MRNIP: variants seen among roughly 807,000 people sequenced by gnomAD.
MRNIP encodes the protein MRN complex-interacting protein.
Under a neutral mutation model 29.8 loss-of-function variants are expected in MRNIP, and 30 were observed. That is an observed-to-expected ratio of 1.01 (90% CI 0.75 to 1.36). MRNIP has a LOEUF of 1.36. Ranked by LOEUF, MRNIP falls within the 40% of genes most tolerant of loss-of-function variation. The pLI, the probability that MRNIP is intolerant of heterozygous loss-of-function variation, is 0.00. For synonymous variants in MRNIP, 201 were observed against 164.1 expected, an observed-to-expected ratio of 1.23 and a Z score of -1.72; for missense variants, 459 against 423.5, an observed-to-expected ratio of 1.08 and a Z score of -0.74.
chr5:179,855,792 A>G (rs575012800), intron 1 of MRNIP, among the ~76,000 whole-genome samples: 90 of 152,282 alleles, frequency 5.9e-4, no homozygotes, highest in African/African-American at 2.1e-3. Flanking sequence ...GACAATGAGC[A>G]CCTACCAAAA....
rs751892071 is a variant in MRNIP, at chr5:179,837,853, T to G, written c.570A>C (p.Gln190His). The G allele has an allele frequency of 6.2e-7, 1 of 1,609,676 alleles. No individual in the cohort carries two copies. The highest frequency in any genetic ancestry group is 8.5e-7 in the Non-Finnish European group (1 of 1,179,864). Residue 190 changes from glutamine (Q) to histidine (H), a missense_variant, in exon 7 of 7, where the codon CAA (glutamine) becomes CAC (histidine). Transcript: ENST00000292586. ...GQAGLTWKVKQGSSPCLQENS... is the reference protein window; with the variant it reads ...GQAGLTWKVKHGSSPCLQENS... ...TCTCCTGGAGGCAGGGGCTGCTGCC[T>G]TGTTTCACCTTCCATGTCAGGCCAG...
intron 2 of MRNIP, among the ~76,000 whole-genome samples, chr5:179,848,315 G>A (rs1345414830): frequency 1.3e-5 from 2 of 152,060 alleles, no homozygotes; most frequent in Non-Finnish European, 2.9e-5. Context: ...ACCTACTGAA[G>A]CCAAACTCAA....
At chr5:179,843,043 A>AAG (rs200857736) in intron 4 of MRNIP, among the ~76,000 whole-genome samples, 3,327 of 97,070 alleles carry the variant, frequency 0.034, 78 homozygotes, top group African/African-American at 0.087. Context: ...AGGAGGAAAG[A>AAG]AGGAAGGAAG....
At position 179,837,458 on chromosome 5, in the gene MRNIP, T is replaced by C; in HGVS notation, c.965A>G (p.Gln322Arg). ...ACATAGTCGTGTGGGTCGAGGATTC[T>C]GTGCCTCCAGGACCAGGGGCCCACC... Reference protein sequence around the residue: ...AEGGPLVLEAQNPRPTRLCDL... With the variant: ...AEGGPLVLEARNPRPTRLCDL... The change falls in exon 7 of 7, where the codon CAG (glutamine) becomes CGG (arginine). Residue 322 changes from glutamine (Q) to arginine (R), a missense_variant. Transcript: ENST00000292586. The C allele has an allele frequency of 6.2e-7, 1 of 1,612,858 alleles. No individual in the cohort carries two copies. The highest frequency in any genetic ancestry group is 8.5e-7 in the Non-Finnish European group (1 of 1,179,212).
At chr5:179,845,122 T>G (rs1456848491) in intron 3 of MRNIP, among the ~76,000 whole-genome samples, 1 of 152,184 alleles carries the variant, frequency 6.6e-6, no homozygotes, top group African/African-American at 2.4e-5. Flanking sequence ...TGTGAATAAT[T>G]TTCTAGATTT....
At chr5:179,854,534 C>T (rs1561623629) in intron 1 of MRNIP, among the ~76,000 whole-genome samples, 1 of 152,124 alleles carries the variant, frequency 6.6e-6, no homozygotes, top group Non-Finnish European at 1.5e-5. Flanking sequence ...CCTGTAGTCT[C>T]AGCGACGAGG....
chr5:179,848,052 G>A lies in MRNIP; in HGVS notation c.141C>T (p.Gly47=), dbSNP rs146041878. The A allele has an allele frequency of 2.0e-5, 33 of 1,613,864 alleles. No individual in the cohort carries two copies. The African/African-American group carries it at 3.6e-4, about 18-fold the overall frequency. Residue 47 remains glycine, a synonymous_variant, in exon 3 of 7, where the codon GGC becomes GGT. Transcript: ENST00000292586. ...CATGGCGTCTACAATCAGCACCAGA[G>A]CCTTCACCATAAGCCTGAGAAACCA... ...KQSFLQAYGE[G]SGADCRRHVQ...
chr5:179,843,765 A>G (rs1759011691), intron 4 of MRNIP, among the ~76,000 whole-genome samples: 1 of 151,928 alleles, frequency 6.6e-6, no homozygotes, highest in Non-Finnish European at 1.5e-5. Context: ...AACAAAACAA[A>G]ACAACAGCTT....
chr5:179,858,544 A>G (rs1759700465), intron 1 of MRNIP, among the ~76,000 whole-genome samples, 187 bp downstream of exon 1: 1 of 152,254 alleles, frequency 6.6e-6, no homozygotes, highest in African/African-American at 2.4e-5. Flanking sequence ...TGGTTTGTAC[A>G]AGAACCAAAC....
In MRNIP at chr5:179,837,883, T is replaced by TC. The variant is rs1561612685; in HGVS notation, c.539dup (p.Gln181ThrfsTer48). On this transcript the variant is annotated frameshift_variant and splice_region_variant, in exon 7 of 7. Coordinates refer to ENST00000292586, the MANE Select transcript of MRNIP (RefSeq NM_016175.4). LOFTEE classifies it low-confidence loss of function (END_TRUNC). Reference sequence around the variant, plus strand: ...TCACCTTCCATGTCAGGCCAGCCTGTCCCTGAAAGAGAAGATGGCCATGCC... The same window carrying TC: ...TCACCTTCCATGTCAGGCCAGCCTGTCCCCTGAAAGAGAAGATGGCCATGCC... 6.2e-7 allele frequency: 1 copy of TC among 1,602,632 alleles called. No homozygotes were observed. Among genetic ancestry groups the TC allele is most frequent in the Non-Finnish European group, 8.5e-7 (1 of 1,178,286 alleles).
chr5:179,840,546 C>G (rs1561614665), intron 6 of MRNIP: 2 of 474,108 alleles, frequency 4.2e-6, no homozygotes, highest in East Asian at 7.1e-5. Context: ...CCTGCCCGGA[C>G]AAAGGTCCCC....
At chr5:179,858,373 G>A (rs923583077) in intron 1 of MRNIP, among the ~76,000 whole-genome samples, 6 of 152,196 alleles carry the variant, frequency 3.9e-5, no homozygotes, top group Non-Finnish European at 7.3e-5. Context: ...GGACGCCGCC[G>A]CGGCGCGCTC....
At chr5:179,850,241 A>G (rs1315889752) in intron 2 of MRNIP, among the ~76,000 whole-genome samples, 3 of 152,204 alleles carry the variant, frequency 2.0e-5, no homozygotes, top group Admixed American at 2.0e-4. Context: ...GCACAGGCAG[A>G]TGGTACGAGA....
At chr5:179,848,508 C>G (rs1325398320) in intron 2 of MRNIP, among the ~76,000 whole-genome samples, 2 of 152,122 alleles carry the variant, frequency 1.3e-5, no homozygotes, top group Non-Finnish European at 2.9e-5. Context: ...ACAAATTCAT[C>G]CAACAAATAT....
chr5:179,854,593 A>G (rs1007606173), intron 1 of MRNIP, among the ~76,000 whole-genome samples: 1 of 151,138 alleles, frequency 6.6e-6, no homozygotes, highest in Non-Finnish European at 1.5e-5. Flanking sequence ...CCCGGGTAGC[A>G]TGGCAAGAGG....
At chr5:179,851,319 G>C in intron 2 of MRNIP, 1 of 456,082 alleles carries the variant, frequency 2.2e-6, no homozygotes, top group South Asian at 1.5e-5. Context: ...GTCAGCCTGG[G>C]CCAACCAGGT....
intron 3 of MRNIP, chr5:179,847,532 G>A (rs2050362956): frequency 6.4e-6 from 1 of 155,868 alleles, no homozygotes; most frequent in Non-Finnish European, 1.4e-5. Flanking sequence ...GTTATTTTCA[G>A]TGGGAGAATT....
intron 2 of MRNIP, among the ~76,000 whole-genome samples, chr5:179,851,860 C>T (rs996596968): frequency 6.6e-6 from 1 of 151,832 alleles, no homozygotes; most frequent in Admixed American, 6.6e-5. Flanking sequence ...AGCCTGTGGT[C>T]CCAGCTACTC....
chr5:179,839,067 A>G (rs1758747880), intron 6 of MRNIP: 1 of 152,004 alleles, frequency 6.6e-6, no homozygotes, highest in Non-Finnish European at 1.5e-5. Context: ...CCTGGCCAAC[A>G]TGGGGAAGCC....
Sources: allele counts gnomAD v4.1 joint callset (sites outside exome capture counted in the v4.1 genomes callset), GRCh38; gene constraint gnomAD v4.1.1; transcripts MANE v1.5; gene names NCBI Gene and HGNC (gene_info 2026-07-23, HGNC 2026-07-21).